The following VWA3B variants were observed in gnomAD, a reference collection of about 807,000 sequenced individuals.
The protein encoded by VWA3B is von Willebrand factor A domain-containing protein 3B.
In VWA3B, 138 loss-of-function variants were observed where a neutral mutation model predicts 158.3. The ratio of observed to expected loss-of-function variants is 0.87; its 90% CI spans 0.76 to 1.00. The LOEUF (loss-of-function observed/expected upper bound fraction) is 1.00. Ranked by LOEUF, VWA3B falls within the 50% of genes least tolerant of loss-of-function variation. The pLI, the probability that VWA3B is intolerant of heterozygous loss-of-function variation, is 0.00. For missense variants in VWA3B, 1,555 were observed against 1,565.1 expected (o/e 0.99, Z 0.11); for synonymous variants, 596 against 587.3 (o/e 1.01, Z -0.21).
At chr2:98,151,237 C>T (rs1192846804) in intron 7 of VWA3B, among the ~76,000 whole-genome samples, 1 of 152,064 alleles carries the variant, frequency 6.6e-6, no homozygotes, top group Non-Finnish European at 1.5e-5. Context: ...CTCAGCCTCC[C>T]GAGTAGCTGG....
At chr2:98,121,635 C>A (rs1573821380) in intron 5 of VWA3B, among the ~76,000 whole-genome samples, 177 bp downstream of exon 5, 1 of 152,152 alleles carries the variant, frequency 6.6e-6, no homozygotes, top group East Asian at 1.9e-4. Flanking sequence ...CAAATGAGGC[C>A]CCTGAATACC....
intron 7 of VWA3B, among the ~76,000 whole-genome samples, chr2:98,135,614 C>T (rs1409045150): frequency 3.3e-5 from 5 of 152,018 alleles, no homozygotes; most frequent in South Asian, 2.1e-4. Flanking sequence ...GGATTACAGG[C>T]GTGAGCCACC....
intron 25 of VWA3B, among the ~76,000 whole-genome samples, chr2:98,301,044 A>T (rs192215103): frequency 3.8e-4 from 58 of 152,234 alleles, no homozygotes; most frequent in African/African-American, 1.3e-3. Flanking sequence ...TAATCCCAGC[A>T]ATTTGGGAGG....
At chr2:98,326,694 C>G in the VWA3B span, among the ~76,000 whole-genome samples, 1 of 152,074 alleles carries the variant, frequency 6.6e-6, no homozygotes, top group Non-Finnish European at 1.5e-5. Context: ...AAGGTCGAGG[C>G]TGCAGTGAGC....
intron 14 of VWA3B, among the ~76,000 whole-genome samples, chr2:98,225,638 A>C (rs1380460230): frequency 6.6e-6 from 1 of 152,122 alleles, no homozygotes; most frequent in Non-Finnish European, 1.5e-5. Flanking sequence ...ACAGATTGAG[A>C]AGGAAGAAAT....
chr2:98,162,514 G>A (rs1678697832), intron 7 of VWA3B, among the ~76,000 whole-genome samples: 4 of 152,284 alleles, frequency 2.6e-5, no homozygotes, highest in Non-Finnish European at 5.9e-5. Context: ...CCTCCTCGCA[G>A]CGGTGACCCT....
chr2:98,257,935 C>A (rs1020113508), intron 21 of VWA3B, among the ~76,000 whole-genome samples: 1 of 151,840 alleles, frequency 6.6e-6, no homozygotes, highest in Non-Finnish European at 1.5e-5. Context: ...TTGCCAAATA[C>A]AAAATCATGA....
chr2:98,253,453 T>G (rs1329221954), intron 20 of VWA3B, among the ~76,000 whole-genome samples: 2 of 152,068 alleles, frequency 1.3e-5, no homozygotes, highest in African/African-American at 4.8e-5. Context: ...AGGCAGCAAT[T>G]TTGGCTTTGT....
chr2:98,183,336 A>G (rs1253163615), intron 9 of VWA3B, among the ~76,000 whole-genome samples: 2 of 152,108 alleles, frequency 1.3e-5, no homozygotes, highest in African/African-American at 4.8e-5. Flanking sequence ...AAATAGGTAG[A>G]TTATTTAGGG....
At chr2:98,172,200 G>A (rs531131995) in intron 8 of VWA3B, among the ~76,000 whole-genome samples, 1 of 152,366 alleles carries the variant, frequency 6.6e-6, no homozygotes, top group African/African-American at 2.4e-5. Context: ...TGGGCTTGGA[G>A]AATGAGTGCC....
At chr2:98,267,915 TA>T (rs1402926614) in intron 21 of VWA3B, among the ~76,000 whole-genome samples, 1 of 152,020 alleles carries the variant, frequency 6.6e-6, no homozygotes, top group African/African-American at 2.4e-5. Flanking sequence ...CAAACACCTC[TA>T]CGCAAATAAA....
intron 6 of VWA3B, among the ~76,000 whole-genome samples, chr2:98,129,258 TGGAGAGA>T (rs1266601070): frequency 7.4e-6 from 1 of 135,124 alleles, no homozygotes; most frequent in Non-Finnish European, 1.6e-5. Context: ...TGTGTGTGTG[TGGAGAGA>T]GAGGGAGGAG....
At chr2:98,235,256 A>T (rs1458034303) in intron 17 of VWA3B, among the ~76,000 whole-genome samples, 1 of 152,098 alleles carries the variant, frequency 6.6e-6, no homozygotes, top group African/African-American at 2.4e-5. Flanking sequence ...TTTTTCTTTT[A>T]TTTCAAATGG....
chr2:98,280,537 C>A (rs1201563132), intron 22 of VWA3B, among the ~76,000 whole-genome samples: 1 of 152,232 alleles, frequency 6.6e-6, no homozygotes, highest in Non-Finnish European at 1.5e-5. Flanking sequence ...GGAAGTGTTT[C>A]TTGTGCCTCT....
chr2:98,274,544 A>T (rs1355911002), intron 22 of VWA3B, among the ~76,000 whole-genome samples: 2 of 152,202 alleles, frequency 1.3e-5, no homozygotes, highest in African/African-American at 4.8e-5. Context: ...GCCTGGGCTC[A>T]GGCAGGGATG....
chr2:98,283,402 G>A (rs1688992892), intron 22 of VWA3B, among the ~76,000 whole-genome samples: 1 of 152,224 alleles, frequency 6.6e-6, no homozygotes, highest in Admixed American at 6.5e-5. Flanking sequence ...CTGGTGACCT[G>A]AAGCAAGGTG....
intron 17 of VWA3B, 129 bp downstream of exon 17, chr2:98,234,896 A>C (rs1371207535): frequency 3.6e-6 from 5 of 1,371,326 alleles, no homozygotes; most frequent in Non-Finnish European, 4.9e-6. Context: ...TCCTATTCAA[A>C]GGAATCCCTT....
intron 14 of VWA3B, among the ~76,000 whole-genome samples, chr2:98,224,917 A>G (rs1432305694): frequency 6.6e-6 from 1 of 152,244 alleles, no homozygotes; most frequent in Non-Finnish European, 1.5e-5. Context: ...AAAATTATAC[A>G]CTATGATCAA....
In VWA3B at chr2:98,180,990, A is replaced by T. The variant is rs760021082; in HGVS notation, c.1115-26A>T. The T allele has an allele frequency of 3.1e-6, 5 of 1,611,434 alleles. No individual in the cohort carries two copies. The South Asian group carries it at 5.5e-5, about 18-fold the overall frequency. On this transcript the variant is annotated intron_variant, in intron 8 of 27. Coordinates refer to ENST00000477737, the MANE Select transcript of VWA3B (RefSeq NM_144992.5). ...AATATGAATGGCTCATGCAGTATGA[A>T]TGGCTGACAAGCTGTGATTCTACAG...
Sources: allele counts gnomAD v4.1 joint callset (sites outside exome capture counted in the v4.1 genomes callset), GRCh38; gene constraint gnomAD v4.1.1; transcripts MANE v1.5; gene names NCBI Gene and HGNC (gene_info 2026-07-23, HGNC 2026-07-21).